Variants in METAP1 observed in about 807,000 individuals in gnomAD.
The protein encoded by METAP1 is methionyl aminopeptidase 1.
METAP1 carries 28 observed loss-of-function variants against 53.8 expected under a neutral mutation model. The ratio of observed to expected loss-of-function variants is 0.52; its 90% CI spans 0.39 to 0.71. The LOEUF (loss-of-function observed/expected upper bound fraction) is 0.71, where lower values mean the gene tolerates loss of function less well. METAP1 is among the 30% of genes least tolerant of loss of function. The pLI, the probability that METAP1 is intolerant of heterozygous loss-of-function variation, is 0.00. For synonymous variants in METAP1, 181 were observed against 165.7 expected (o/e 1.09, Z -0.71); for missense variants, 389 against 479.8 (o/e 0.81, Z 1.77).
At chr4:99,039,572 CT>C in intron 5 of METAP1, 107 bp downstream of exon 5, 1 of 618,988 alleles carries the variant, frequency 1.6e-6, no homozygotes, top group Admixed American at 3.1e-5. Context: ...TATTGTTAGA[CT>C]GACCAGCCAT....
intron 1 of METAP1, chr4:99,026,548 T>G: frequency 1.0e-6 from 1 of 985,412 alleles, no homozygotes. Context: ...GGTGTTTGCC[T>G]GGGGACCTCT....
In METAP1 at chr4:99,056,569, CTTGT is replaced by C. The variant is rs537875154; in HGVS notation, c.932-1169_932-1166del. Among the ~76,000 whole-genome samples the C allele has an allele frequency of 1.7e-3, 265 of 151,604 alleles. 2 individuals carry two copies. Among genetic ancestry groups the C allele is most frequent in the Non-Finnish European group, 1.9e-3 (128 of 67,796 alleles). On this transcript the variant is annotated intron_variant, in intron 9 of 10. Transcript: ENST00000296411. ...TTTTGTTTTTTGTTTTTTTTGTTTG[CTTGT>C]TTGTTTGTTTGTTTTTGAGACGGAG...
chr4:99,030,500 G>T (rs1724936018), intron 2 of METAP1, among the ~76,000 whole-genome samples: 1 of 152,086 alleles, frequency 6.6e-6, no homozygotes, highest in African/African-American at 2.4e-5. Context: ...AATCCCTTTG[G>T]CTGTGATGGA....
At chr4:99,061,003 C>T in intron 10 of METAP1, 151 bp from the exon 11 acceptor site, 1 of 700,778 alleles carries the variant, frequency 1.4e-6, no homozygotes, top group Non-Finnish European at 2.3e-6. Flanking sequence ...ATCAAACATA[C>T]TGAAGACCAA....
intron 1 of METAP1, among the ~76,000 whole-genome samples, chr4:99,007,664 C>T (rs1723243986): frequency 6.6e-6 from 1 of 152,030 alleles, no homozygotes; most frequent in African/African-American, 2.4e-5. Context: ...GTGTACTGGG[C>T]ACTAACCAGT....
chr4:99,025,661 G>A (rs545036225), intron 1 of METAP1, among the ~76,000 whole-genome samples: 39 of 152,258 alleles, frequency 2.6e-4, no homozygotes, highest in African/African-American at 9.4e-4. Flanking sequence ...CATCTGAATG[G>A]ACTCTCCCTC....
intron 1 of METAP1, among the ~76,000 whole-genome samples, chr4:99,015,669 G>GCTAA (rs1723719904): frequency 6.6e-6 from 1 of 152,164 alleles, no homozygotes; most frequent in Non-Finnish European, 1.5e-5. Context: ...GCATCTATGG[G>GCTAA]AGTGAGAGAC....
At chr4:99,032,422 G>A (rs190015074) in intron 2 of METAP1, among the ~76,000 whole-genome samples, 3 of 152,002 alleles carry the variant, frequency 2.0e-5, no homozygotes, top group Admixed American at 1.3e-4. Context: ...TTGTGGAGAC[G>A]GGTTTTTCCA....
intron 8 of METAP1, 133 bp from the exon 9 acceptor site, chr4:99,048,600 G>A: frequency 1.0e-6 from 1 of 958,768 alleles, no homozygotes; most frequent in Non-Finnish European, 1.6e-6. Flanking sequence ...GAACTCCTGA[G>A]CTCAGGCGAT....
At chr4:99,004,814 T>C (rs1689547343) in intron 1 of METAP1, among the ~76,000 whole-genome samples, 1 of 152,234 alleles carries the variant, frequency 6.6e-6, no homozygotes, top group African/African-American at 2.4e-5. Context: ...TTTGTCATTA[T>C]GTTCCTGAGA....
chr4:99,046,912 TTC>T (rs1726286477), intron 8 of METAP1, among the ~76,000 whole-genome samples: 1 of 146,192 alleles, frequency 6.8e-6, no homozygotes, highest in Non-Finnish European at 1.5e-5. Flanking sequence ...TTCTTTTTGC[TTC>T]TCTGTGAATC....
At chr4:99,049,942 T>TA (rs974326684) in intron 9 of METAP1, among the ~76,000 whole-genome samples, 1 of 152,214 alleles carries the variant, frequency 6.6e-6, no homozygotes. Flanking sequence ...CCAATTTTTT[T>TA]AAAGCAACTC....
intron 1 of METAP1, among the ~76,000 whole-genome samples, chr4:99,008,511 C>A (rs771238341): frequency 2.0e-5 from 3 of 152,062 alleles, no homozygotes; most frequent in Non-Finnish European, 2.9e-5. Flanking sequence ...ATCCTAAAAC[C>A]AAAGCATTGT....
intron 1 of METAP1, chr4:99,026,379 G>A (rs1724560634): frequency 1.0e-6 from 1 of 985,474 alleles, no homozygotes; most frequent in Non-Finnish European, 1.2e-6. Context: ...CATGTGACAT[G>A]TTAAGCTTGT....
At position 99,061,476 on chromosome 4, in the gene METAP1, T is replaced by C; in HGVS notation, c.*159T>C. 1 of 589,624 alleles carries C rather than the reference T, an allele frequency of 1.7e-6. No individual in the cohort carries two copies. Among genetic ancestry groups the C allele is most frequent in the South Asian group, 3.6e-5 (1 of 27,876 alleles). 36.5% of individuals were successfully genotyped at this position (589,624 alleles called of 1,614,324 possible). A position where few individuals can be genotyped will look rare whatever the true frequency, so the allele number is the denominator to read the frequency against. On this transcript the variant is annotated 3_prime_UTR_variant, in exon 11 of 11. Coordinates refer to ENST00000296411, the MANE Select transcript of METAP1 (RefSeq NM_015143.3). Reference sequence around the variant, plus strand: ...TGATGTGTGTCCTCAAGAACTTGTCTTGGGTCTGAAAAAGCTGAGAAGAAT... The same window carrying C: ...TGATGTGTGTCCTCAAGAACTTGTCCTGGGTCTGAAAAAGCTGAGAAGAAT...
intron 1 of METAP1, among the ~76,000 whole-genome samples, chr4:99,006,984 G>A (rs1723206960): frequency 6.6e-6 from 1 of 150,422 alleles, no homozygotes; most frequent in South Asian, 2.1e-4. Context: ...TTTTGAGACG[G>A]TCTCATTCTG....
In METAP1 at chr4:99,023,443, A is replaced by G. The variant is rs548307276; in HGVS notation, c.115-5424A>G. On this transcript the variant is annotated intron_variant, in intron 1 of 10. Coordinates refer to ENST00000296411, the MANE Select transcript of METAP1 (RefSeq NM_015143.3). ...ATATGTTATATCTTGATACATACAAATCCTTTTAGTTACCAGGTGACTACT... is the reference window on the plus strand; with the variant it reads ...ATATGTTATATCTTGATACATACAAGTCCTTTTAGTTACCAGGTGACTACT... 24 of 950,052 alleles carry G rather than the reference A, an allele frequency of 2.5e-5. No individual in the cohort carries two copies. In the African/African-American group the frequency reaches 4.1e-4, roughly 16 times the overall value. The allele number at this position is 950,052 out of a possible 1,614,324, so 58.9% of individuals were successfully genotyped here.
At chr4:99,012,327 G>A (rs962987039) in intron 1 of METAP1, among the ~76,000 whole-genome samples, 1 of 147,316 alleles carries the variant, frequency 6.8e-6, no homozygotes, top group African/African-American at 2.5e-5. Flanking sequence ...CTGGAGTGAG[G>A]TGGCACAATC....
chr4:98,998,060 T>C (rs1350508670), intron 1 of METAP1, among the ~76,000 whole-genome samples: 2 of 152,246 alleles, frequency 1.3e-5, no homozygotes, highest in Non-Finnish European at 2.9e-5. Flanking sequence ...CAGCCCCACA[T>C]TCAGGGCCCC....
Sources: allele counts gnomAD v4.1 joint callset (sites outside exome capture counted in the v4.1 genomes callset), GRCh38; gene constraint gnomAD v4.1.1; transcripts MANE v1.5; gene names NCBI Gene and HGNC (gene_info 2026-07-23, HGNC 2026-07-21).